Variants in ROBO1 observed in about 807,000 individuals in gnomAD.
The protein encoded by ROBO1 is roundabout homolog 1.
In ROBO1, 149 loss-of-function variants were observed where a neutral mutation model predicts 195.9. That is an observed-to-expected ratio of 0.76 (90% confidence interval 0.67 to 0.87). ROBO1 has a LOEUF of 0.87. ROBO1 is among the 40% of genes least tolerant of loss of function. The probability of loss-of-function intolerance (pLI) is 0.00; values close to 1 mark genes in which losing one functional copy is unlikely to be tolerated. For missense variants in ROBO1, 1,933 were observed against 2,068.3 expected, an observed-to-expected ratio of 0.93 and a Z score of 1.27; for synonymous variants, 816 against 733.2, an observed-to-expected ratio of 1.11 and a Z score of -1.82.
intron 4 of ROBO1, among the ~76,000 whole-genome samples, chr3:78,917,984 T>C (rs534480379): frequency 3.3e-5 from 5 of 152,338 alleles, no homozygotes; most frequent in African/African-American, 1.2e-4. Context: ...TTGTTTGTGA[T>C]TGTTGTATTT....
chr3:78,708,752 G>A (rs998181266), intron 8 of ROBO1, among the ~76,000 whole-genome samples: 1 of 152,016 alleles, frequency 6.6e-6, no homozygotes, highest in Non-Finnish European at 1.5e-5. Flanking sequence ...CCTTTTATAG[G>A]TATGTCACAA....
chr3:79,430,009 T>A (rs2038610444), intron 2 of ROBO1, among the ~76,000 whole-genome samples: 1 of 151,852 alleles, frequency 6.6e-6, no homozygotes, highest in African/African-American at 2.4e-5. Context: ...TCTCCTTTTT[T>A]AACTTTTTTA....
chr3:78,741,979 CAGG>C (rs1295581697), intron 5 of ROBO1, among the ~76,000 whole-genome samples: 2 of 151,892 alleles, frequency 1.3e-5, no homozygotes. Flanking sequence ...TATAATCATC[CAGG>C]ATCTAAAATT....
intron 2 of ROBO1, among the ~76,000 whole-genome samples, chr3:79,543,475 T>C (rs1259419027): frequency 1.3e-5 from 2 of 152,018 alleles, no homozygotes; most frequent in Non-Finnish European, 2.9e-5. Context: ...AGTGCATCAC[T>C]AGAGAGCCCA....
chr3:79,515,723 G>A (rs143645637), intron 2 of ROBO1, among the ~76,000 whole-genome samples: 55 of 152,146 alleles, frequency 3.6e-4, no homozygotes, highest in African/African-American at 1.2e-3. Flanking sequence ...ACCTAGGTTC[G>A]TGAACGTGAA....
At chr3:79,093,626 T>C (rs2079517030) in intron 3 of ROBO1, among the ~76,000 whole-genome samples, 1 of 152,082 alleles carries the variant, frequency 6.6e-6, no homozygotes, top group African/African-American at 2.4e-5. Context: ...TAATATATCA[T>C]TGTCAGGATG....
At chr3:78,812,095 T>G (rs1455887756) in intron 4 of ROBO1, among the ~76,000 whole-genome samples, 1 of 152,126 alleles carries the variant, frequency 6.6e-6, no homozygotes, top group Non-Finnish European at 1.5e-5. Flanking sequence ...AGCACACGTT[T>G]TGTTATGTGG....
chr3:79,214,896 T>C (rs17016825), intron 2 of ROBO1, among the ~76,000 whole-genome samples: 20,821 of 150,510 alleles, frequency 0.14, 2,364 homozygotes, highest in African/African-American at 0.31. Flanking sequence ...CCAGTCTCCA[T>C]CAAAAAACGT....
chr3:78,946,297 A>T (rs1053748389), intron 3 of ROBO1, among the ~76,000 whole-genome samples: 1 of 152,228 alleles, frequency 6.6e-6, no homozygotes, highest in African/African-American at 2.4e-5. Flanking sequence ...CCACAAAGGG[A>T]AGCCCACCAG....
At chr3:78,697,677 T>C (rs1185926102) in intron 8 of ROBO1, among the ~76,000 whole-genome samples, 1 of 152,196 alleles carries the variant, frequency 6.6e-6, no homozygotes, top group East Asian at 1.9e-4. Flanking sequence ...AGTTTAGATA[T>C]AACCGTGTCT....
Position 79,176,954 on chromosome 3 carries a change from A to G in ROBO1, c.89-51415T>C, listed in dbSNP as rs142317959. 9.8e-5 allele frequency among the ~76,000 whole-genome samples: 15 copies of G among 152,354 alleles called. No individual in the cohort carries two copies. The East Asian group carries it at 2.9e-3, about 29-fold the overall frequency. On this transcript the variant is annotated intron_variant, in intron 2 of 30. Transcript: ENST00000464233. ...GTTATTACCTGTCTAATTAGATAAT[A>G]CATAGTAAGTGTCTCTGTCTCAATA...
intron 4 of ROBO1, among the ~76,000 whole-genome samples, chr3:78,883,005 G>T (rs1185852214): frequency 2.0e-5 from 3 of 151,714 alleles, no homozygotes; most frequent in African/African-American, 4.8e-5. Flanking sequence ...TAGAGATGGG[G>T]TTTCACCATG....
chr3:79,200,539 A>G lies in ROBO1; in HGVS notation c.89-75000T>C, dbSNP rs559045935. On this transcript the variant is annotated intron_variant, in intron 2 of 30. Coordinates refer to ENST00000464233, the MANE Select transcript of ROBO1 (RefSeq NM_002941.4). ...TGAAAGAAGGAAAGTTAAATATTAC[A>G]TACTGTAATAAGAAAACACAGCCTG... Among the ~76,000 whole-genome samples the G allele has an allele frequency of 5.3e-5, 8 of 151,940 alleles. No homozygotes were observed. In the South Asian group the frequency reaches 1.0e-3, roughly 20 times the overall value.
In ROBO1 at chr3:79,127,308, A is replaced by G. The variant is rs557370238; in HGVS notation, c.89-1769T>C. Among the ~76,000 whole-genome samples the G allele has an allele frequency of 1.6e-3, 249 of 152,286 alleles. 2 individuals carry two copies. Among genetic ancestry groups the G allele is most frequent in the African/African-American group, 5.5e-3 (227 of 41,562 alleles). Reference sequence around the variant, plus strand: ...TGTCACAAGTCATCTTGCTCATGCAAACTAACCAAATATAAGAGGCTGTTG... The same window carrying G: ...TGTCACAAGTCATCTTGCTCATGCAGACTAACCAAATATAAGAGGCTGTTG... On this transcript the variant is annotated intron_variant, in intron 2 of 30. Coordinates refer to ENST00000464233, the MANE Select transcript of ROBO1 (RefSeq NM_002941.4).
chr3:79,425,925 C>A (rs1318897189), intron 2 of ROBO1, among the ~76,000 whole-genome samples: 3 of 152,122 alleles, frequency 2.0e-5, no homozygotes, highest in African/African-American at 7.2e-5. Flanking sequence ...TGTTCTCATT[C>A]CACATTGTGG....
At chr3:78,987,815 T>C (rs1269672431) in intron 3 of ROBO1, among the ~76,000 whole-genome samples, 1 of 152,042 alleles carries the variant, frequency 6.6e-6, no homozygotes, top group Non-Finnish European at 1.5e-5. Flanking sequence ...GATACCCCCA[T>C]TTACCCTGAT....
intron 2 of ROBO1, among the ~76,000 whole-genome samples, chr3:79,326,095 G>A (rs2034200799): frequency 6.6e-6 from 1 of 151,994 alleles, no homozygotes; most frequent in African/African-American, 2.4e-5. Context: ...GGAAATTCCC[G>A]CCTAATAAAT....
intron 2 of ROBO1, among the ~76,000 whole-genome samples, chr3:79,401,548 GCTT>G (rs1047953006): frequency 2.0e-4 from 30 of 151,920 alleles, no homozygotes; most frequent in South Asian, 1.2e-3. Context: ...AAGGGATAGG[GCTT>G]CTTAAGTTGG....
intron 3 of ROBO1, among the ~76,000 whole-genome samples, chr3:78,943,709 G>A (rs972015540): frequency 6.6e-6 from 1 of 152,088 alleles, no homozygotes; most frequent in African/African-American, 2.4e-5. Flanking sequence ...ATATCCCACT[G>A]AACTTTGCTT....
Sources: gnomAD v4.1 joint callset for allele counts (sites outside exome capture counted in the v4.1 genomes callset) on GRCh38, gnomAD v4.1.1 for gene constraint, MANE v1.5 for transcripts, NCBI Gene and HGNC (gene_info 2026-07-23, HGNC 2026-07-21) for gene names.